LIMK1: variants seen among roughly 807,000 people sequenced by gnomAD.
LIMK1 encodes the protein LIM motif-containing protein kinase.
Under a neutral mutation model 77.6 loss-of-function variants are expected in LIMK1, and 21 were observed. The ratio of observed to expected loss-of-function variants is 0.27; its 90% CI spans 0.19 to 0.39. The LOEUF is 0.39. Among genes scored for constraint, LIMK1 ranks in the 10% least tolerant of loss-of-function variants. The pLI is 1.00. For synonymous variants in LIMK1, 358 were observed against 370.0 expected, an observed-to-expected ratio of 0.97 and a Z score of 0.37; for missense variants, 696 against 901.6, an observed-to-expected ratio of 0.77 and a Z score of 2.92.
At chr7:74,117,690 G>T (rs1336922131) in intron 13 of LIMK1, among the ~76,000 whole-genome samples, 1 of 152,072 alleles carries the variant, frequency 6.6e-6, no homozygotes, top group African/African-American at 2.4e-5. Context: ...AATGCCTGTG[G>T]TCCCAGCTAC....
chr7:74,104,311 A>C (rs1295632944), intron 5 of LIMK1, among the ~76,000 whole-genome samples: 1 of 152,084 alleles, frequency 6.6e-6, no homozygotes, highest in Non-Finnish European at 1.5e-5. Flanking sequence ...GGGCAGAGAC[A>C]AAGTGAGCAT....
intron 5 of LIMK1, among the ~76,000 whole-genome samples, chr7:74,100,766 C>T (rs1554696435): frequency 6.9e-6 from 1 of 144,414 alleles, no homozygotes; most frequent in Non-Finnish European, 1.5e-5. Flanking sequence ...GACGGAGTCT[C>T]GCTCTGTCGC....
At chr7:74,108,813 A>G (rs1350199001) in intron 9 of LIMK1, 92 bp from the exon 10 acceptor site, 2 of 1,536,982 alleles carry the variant, frequency 1.3e-6, no homozygotes, top group South Asian at 1.2e-5. Flanking sequence ...GAGACCGCCT[A>G]CAGCCCCTGG....
At chr7:74,095,384 G>A (rs566157673) in intron 2 of LIMK1, among the ~76,000 whole-genome samples, 22 of 152,282 alleles carry the variant, frequency 1.4e-4, no homozygotes, top group African/African-American at 2.6e-4. Context: ...GTGTGCCTGC[G>A]GGTTCACTGG....
chr7:74,088,677 CTG>C (rs555264712), intron 2 of LIMK1, among the ~76,000 whole-genome samples: 87 of 151,802 alleles, frequency 5.7e-4, no homozygotes, highest in Admixed American at 2.2e-3. Flanking sequence ...TGGCACATGA[CTG>C]TAATCCAAGC....
At chr7:74,089,759 T>C (rs1799202236) in intron 2 of LIMK1, among the ~76,000 whole-genome samples, 1 of 151,716 alleles carries the variant, frequency 6.6e-6, no homozygotes, top group Non-Finnish European at 1.5e-5. Flanking sequence ...CTGAGTCCAG[T>C]TGGAGGTAGG....
chr7:74,090,337 T>A (rs1333182003), intron 2 of LIMK1, among the ~76,000 whole-genome samples: 1 of 151,358 alleles, frequency 6.6e-6, no homozygotes, highest in African/African-American at 2.4e-5. Context: ...ATCGCGCCAC[T>A]GCACTCTAGC....
chr7:74,096,793 G>T (rs782644016), intron 3 of LIMK1, 33 bp downstream of exon 3: 1 of 1,555,934 alleles, frequency 6.4e-7, no homozygotes, highest in South Asian at 1.2e-5. Flanking sequence ...ACTCACCTGG[G>T]GTGGGGGTAT....
intron 5 of LIMK1, among the ~76,000 whole-genome samples, chr7:74,101,259 G>GA (rs1799454030): frequency 1.3e-5 from 2 of 152,206 alleles, no homozygotes; most frequent in Non-Finnish European, 2.9e-5. Context: ...GAAACTCCCA[G>GA]ACCAACGGCT....
intron 5 of LIMK1, among the ~76,000 whole-genome samples, chr7:74,102,690 A>G (rs1799491621): frequency 1.3e-5 from 2 of 151,374 alleles, no homozygotes; most frequent in Admixed American, 1.3e-4. Flanking sequence ...CTTATAGTTC[A>G]GTGATCACAT....
intron 2 of LIMK1, 37 bp from the exon 3 acceptor site, chr7:74,096,585 C>G: frequency 6.2e-7 from 1 of 1,612,942 alleles, no homozygotes; most frequent in Non-Finnish European, 8.5e-7. Flanking sequence ...TGGAGGAGGG[C>G]GGGAGTGGAC....
intron 2 of LIMK1, among the ~76,000 whole-genome samples, chr7:74,087,732 G>A (rs1192311940): frequency 6.6e-6 from 1 of 151,946 alleles, no homozygotes; most frequent in Non-Finnish European, 1.5e-5. Flanking sequence ...TGGGATTACA[G>A]GTGTGCACCA....
At chr7:74,084,077 C>G (rs1395634649) in intron 1 of LIMK1, 32 bp downstream of exon 1, 15 of 1,338,260 alleles carry the variant, frequency 1.1e-5, no homozygotes, top group Admixed American at 2.4e-5. Context: ...GGGCGAGGGC[C>G]TGGAGGGGGT....
chr7:74,095,968 C>CTTTTTTTTTTTTTTTTTTTT (rs869065672), intron 2 of LIMK1, among the ~76,000 whole-genome samples: 3 of 127,228 alleles, frequency 2.4e-5, no homozygotes, highest in African/African-American at 3.3e-5. Context: ...TTTTCTTTTT[C>CTTTTTTTTTTTTTTTTTTTT]TTTTTTTTTT....
intron 4 of LIMK1, among the ~76,000 whole-genome samples, chr7:74,098,348 A>G (rs868990491): frequency 2.0e-5 from 3 of 152,130 alleles, no homozygotes; most frequent in Admixed American, 1.3e-4. Context: ...TTCTTATACA[A>G]CACTGATCAA....
intron 4 of LIMK1, 109 bp downstream of exon 4, chr7:74,097,298 G>C (rs1799355428): frequency 5.1e-6 from 3 of 591,942 alleles, no homozygotes; most frequent in Non-Finnish European, 8.8e-6. Flanking sequence ...CATGGGGTGA[G>C]GTTTGTTGGG....
intron 12 of LIMK1, chr7:74,115,520 T>G (rs2115747250): frequency 2.6e-6 from 1 of 384,078 alleles, no homozygotes; most frequent in Non-Finnish European, 4.7e-6. Flanking sequence ...GAGCAGTGGG[T>G]CCGCCACGAC....
chr7:74,108,174 C>CA (rs1554697972), intron 9 of LIMK1, among the ~76,000 whole-genome samples: 2 of 151,768 alleles, frequency 1.3e-5, no homozygotes, highest in African/African-American at 2.4e-5. Flanking sequence ...CCCGTCTCTA[C>CA]AAAAAAATTT....
intron 5 of LIMK1, among the ~76,000 whole-genome samples, chr7:74,103,542 A>G (rs1215044047): frequency 1.3e-5 from 2 of 152,048 alleles, no homozygotes; most frequent in Non-Finnish European, 2.9e-5. Flanking sequence ...GTTCACTTTG[A>G]TTACTTGTTT....
Sources: gnomAD v4.1 joint callset for allele counts (sites outside exome capture counted in the v4.1 genomes callset) on GRCh38, gnomAD v4.1.1 for gene constraint, MANE v1.5 for transcripts, NCBI Gene and HGNC (gene_info 2026-07-23, HGNC 2026-07-21) for gene names.